Variants in SSBP2 observed in about 807,000 individuals in gnomAD.
SSBP2 encodes the protein single stranded DNA binding protein 2.
Under a neutral mutation model 61.8 loss-of-function variants are expected in SSBP2, and 17 were observed. The observed-to-expected ratio is 0.28, with a 90% CI of 0.19 to 0.41. The LOEUF (loss-of-function observed/expected upper bound fraction) is 0.41. Ranked by LOEUF, SSBP2 falls within the 10% of genes least tolerant of loss-of-function variation. The pLI, the probability that SSBP2 is intolerant of heterozygous loss-of-function variation, is 1.00. For missense variants in SSBP2, 310 were observed against 458.7 expected (o/e 0.68, Z 2.96); for synonymous variants, 139 against 141.3 (o/e 0.98, Z 0.12).
chr5:81,517,369 A>T (rs992800795), intron 4 of SSBP2, among the ~76,000 whole-genome samples: 2 of 144,366 alleles, frequency 1.4e-5, no homozygotes, highest in African/African-American at 5.4e-5. Flanking sequence ...CTAAATTTCA[A>T]GTTTTTTTTT....
At chr5:81,444,855 G>T (rs930641264) in intron 12 of SSBP2, among the ~76,000 whole-genome samples, 3 of 151,756 alleles carry the variant, frequency 2.0e-5, no homozygotes, top group African/African-American at 7.3e-5. Context: ...AGGCGAGGTG[G>T]CTCACACCTG....
chr5:81,530,296 TA>T (rs1335611686), intron 4 of SSBP2, among the ~76,000 whole-genome samples: 1 of 152,100 alleles, frequency 6.6e-6, no homozygotes, highest in Admixed American at 6.6e-5. Context: ...TATCAATAAA[TA>T]TTGGCTATTA....
At chr5:81,602,600 A>C (rs1350429620) in intron 4 of SSBP2, among the ~76,000 whole-genome samples, 1 of 152,146 alleles carries the variant, frequency 6.6e-6, no homozygotes. Flanking sequence ...CTGCCCTGAG[A>C]CCGCATTTTC....
chr5:81,537,824 T>G (rs1770930394), intron 4 of SSBP2, among the ~76,000 whole-genome samples: 1 of 152,156 alleles, frequency 6.6e-6, no homozygotes, highest in Admixed American at 6.5e-5. Flanking sequence ...CAGGCTTCCC[T>G]ATTCCCTGAG....
At chr5:81,539,422 A>C (rs750567603) in intron 4 of SSBP2, among the ~76,000 whole-genome samples, 2 of 152,224 alleles carry the variant, frequency 1.3e-5, no homozygotes, top group African/African-American at 2.4e-5. Context: ...ACGATTACAA[A>C]AGATTTAGAA....
chr5:81,672,577 T>C (rs1022175220), intron 1 of SSBP2, among the ~76,000 whole-genome samples: 1 of 151,286 alleles, frequency 6.6e-6, no homozygotes, highest in Non-Finnish European at 1.5e-5. Context: ...CTTTTTCTTT[T>C]TTTTTTTTTT....
intron 1 of SSBP2, among the ~76,000 whole-genome samples, chr5:81,743,219 C>T (rs1168697757): frequency 6.6e-6 from 1 of 152,146 alleles, no homozygotes; most frequent in Non-Finnish European, 1.5e-5. Flanking sequence ...GCTTCTTCAT[C>T]CCAATTTTCA....
chr5:81,615,813 A>T (rs1285129725), intron 3 of SSBP2, among the ~76,000 whole-genome samples: 2 of 152,266 alleles, frequency 1.3e-5, no homozygotes, highest in African/African-American at 4.8e-5. Flanking sequence ...TGTCATTCTT[A>T]TAACTGGCTG....
chr5:81,620,496 G>A (rs1746470681), intron 3 of SSBP2, among the ~76,000 whole-genome samples: 1 of 148,090 alleles, frequency 6.8e-6, no homozygotes. Flanking sequence ...TCATGGGTAG[G>A]AAGAATCAAT....
chr5:81,632,016 T>G (rs1747774780), intron 3 of SSBP2, among the ~76,000 whole-genome samples: 1 of 152,134 alleles, frequency 6.6e-6, no homozygotes, highest in Admixed American at 6.5e-5. Flanking sequence ...AGGGGAAACC[T>G]CTACTTATAA....
chr5:81,664,289 A>AT lies in SSBP2; in HGVS notation c.63-13951dup, dbSNP rs888874649. On this transcript the variant is annotated intron_variant, in intron 1 of 16. Transcript: ENST00000320672. ...GGGCATTTGCCACCATGCCCGGCTAATTTTTTTTTTTTGTATTTTTAGTAG... is the reference window on the plus strand; with the variant it reads ...GGGCATTTGCCACCATGCCCGGCTAATTTTTTTTTTTTTGTATTTTTAGTAG... Among the ~76,000 whole-genome samples, 714 of 143,906 alleles carry AT rather than the reference A, an allele frequency of 5.0e-3. 4 individuals carry two copies. The highest frequency in any genetic ancestry group is 0.011 in the African/African-American group (453 of 39,456). 94.4% of individuals were successfully genotyped at this position (143,906 alleles called of 152,430 possible).
chr5:81,598,701 G>A (rs1744040441), intron 4 of SSBP2, among the ~76,000 whole-genome samples: 1 of 152,114 alleles, frequency 6.6e-6, no homozygotes, highest in Admixed American at 6.5e-5. Context: ...TTGCCCTGAA[G>A]GAAAATCAAA....
At chr5:81,622,932 C>CAA (rs1291224284) in intron 3 of SSBP2, among the ~76,000 whole-genome samples, 1 of 152,094 alleles carries the variant, frequency 6.6e-6, no homozygotes, top group Non-Finnish European at 1.5e-5. Flanking sequence ...CTATAATAAG[C>CAA]AGTAAATACA....
chr5:81,526,720 G>A (rs1186237924), intron 4 of SSBP2, among the ~76,000 whole-genome samples: 1 of 151,758 alleles, frequency 6.6e-6, no homozygotes, highest in Non-Finnish European at 1.5e-5. Context: ...ACAAATATTT[G>A]CACCTACTAT....
chr5:81,562,868 A>G (rs778889061), intron 4 of SSBP2, among the ~76,000 whole-genome samples: 1 of 152,196 alleles, frequency 6.6e-6, no homozygotes, highest in African/African-American at 2.4e-5. Context: ...TGTGCTGAAA[A>G]TTATAAATCA....
chr5:81,456,324 A>C (rs1289726263), intron 10 of SSBP2, among the ~76,000 whole-genome samples: 2 of 145,932 alleles, frequency 1.4e-5, no homozygotes, highest in Non-Finnish European at 3.0e-5. Flanking sequence ...CCATTCCTTT[A>C]ATTTTCTTTA....
intron 5 of SSBP2, among the ~76,000 whole-genome samples, chr5:81,498,420 T>C (rs960908797): frequency 2.0e-5 from 3 of 152,206 alleles, no homozygotes; most frequent in African/African-American, 7.2e-5. Flanking sequence ...ATACTTTCTT[T>C]GCACTATTTG....
chr5:81,646,687 C>T (rs1234774671), intron 2 of SSBP2, among the ~76,000 whole-genome samples: 78 of 91,678 alleles, frequency 8.5e-4, no homozygotes, highest in African/African-American at 3.6e-3. Context: ...CTGATGATGT[C>T]ATTTTTTTTT....
intron 4 of SSBP2, among the ~76,000 whole-genome samples, chr5:81,537,720 G>A (rs1466348800): frequency 1.3e-5 from 2 of 152,122 alleles, no homozygotes; most frequent in Middle Eastern, 3.4e-3. Context: ...GTAGGACACC[G>A]TGAACCACAC....
Sources: allele counts gnomAD v4.1 joint callset (sites outside exome capture counted in the v4.1 genomes callset), GRCh38; gene constraint gnomAD v4.1.1; transcripts MANE v1.5; gene names NCBI Gene and HGNC (gene_info 2026-07-23, HGNC 2026-07-21).